The following JAK3 variants were observed in gnomAD, a reference collection of about 807,000 sequenced individuals.
The protein encoded by JAK3 is Janus kinase 3, also known as tyrosine-protein kinase JAK3.
JAK3 carries 88 observed loss-of-function variants against 120.8 expected under a neutral mutation model. The ratio of observed to expected loss-of-function variants is 0.73; its 90% CI spans 0.61 to 0.87. The LOEUF (loss-of-function observed/expected upper bound fraction) is 0.87, where lower values mean the gene tolerates loss of function less well. Ranked by LOEUF, JAK3 falls within the 40% of genes least tolerant of loss-of-function variation. The pLI, the probability that JAK3 is intolerant of heterozygous loss-of-function variation, is 0.00. For synonymous variants in JAK3, 592 were observed against 628.6 expected (o/e 0.94, Z 0.87); for missense variants, 1,254 against 1,501.4 (o/e 0.84, Z 2.72).
At chr19:17,837,050 G>T in intron 13 of JAK3, 79 bp downstream of exon 13, 4 of 910,150 alleles carry the variant, frequency 4.4e-6, no homozygotes, top group Middle Eastern at 3.6e-4. Context: ...CTGTCATATA[G>T]CGGCTCAGAA....
chr19:17,832,805 G>A lies in JAK3; in HGVS notation c.2475C>T (p.Ile825=). Residue 825 remains isoleucine, a synonymous_variant, in exon 18 of 24, where the codon ATC becomes ATT. Transcript: ENST00000458235. This position sits in a 1 kb window ranked among gnomAD's most constrained non-coding sequence, Gnocchi z 4.7. Reference sequence around the variant, plus strand: ...CCCACCTTACCTTGCCCAGCTGTGAGATGTACTTGAGGTGTCTCTCCTCGA... The same window carrying A: ...CCCACCTTACCTTGCCCAGCTGTGAAATGTACTTGAGGTGTCTCTCCTCGA... ...TIFEERHLKY[I]SQLGKGNFGS... is the part of the protein sequence containing the mutation. 1 of 1,614,274 alleles carries A rather than the reference G, an allele frequency of 6.2e-7. No individual in the cohort carries two copies.
rs1327546191 is a variant in JAK3 at position 17,831,075 on chromosome 19, G to T, written c.2978+153C>A. On this transcript the variant is annotated intron_variant, in intron 21 of 23. Transcript: ENST00000458235. This position sits in a 1 kb window ranked among gnomAD's most constrained non-coding sequence, Gnocchi z 5.1. ...GAGGAGCCAGTGCTGTTGAGGGGGC[G>T]GGGCTCTGGGGAGTGGGAGGGGCCA... Among the ~76,000 whole-genome samples, 1 of 147,916 alleles carries T rather than the reference G, an allele frequency of 6.8e-6. No homozygotes were observed. Among genetic ancestry groups the T allele is most frequent in the Non-Finnish European group, 1.5e-5 (1 of 66,860 alleles).
intron 11 of JAK3, 31 bp from the exon 12 acceptor site, chr19:17,838,094 A>G: frequency 6.2e-7 from 1 of 1,614,018 alleles, no homozygotes; most frequent in Non-Finnish European, 8.5e-7. Context: ...AGAAGAGGCC[A>G]GTGAGGGGGT....
rs886054277 is a variant in JAK3 at position 17,826,472 on chromosome 19, C to T, written c.*271G>A. 4.0e-5 allele frequency: 21 copies of T among 525,362 alleles called. No individual in the cohort carries two copies. Among genetic ancestry groups the T allele is most frequent in the East Asian group, 9.6e-5 (3 of 31,170 alleles). The allele number at this position is 525,362 out of a possible 1,614,324, so 32.5% of individuals were successfully genotyped here. A position where few individuals can be genotyped will look rare whatever the true frequency, so the allele number is the denominator to read the frequency against. On this transcript the variant is annotated 3_prime_UTR_variant, in exon 24 of 24. Coordinates refer to ENST00000458235, the MANE Select transcript of JAK3 (RefSeq NM_000215.4). ...CAGGGCTTAAGGGGTTGGGAAGATG[C>T]GAGAGTCTTAAATTTGGTTCCTTGC...
At chr19:17,839,306 A>AGACCTAAAGGTTATATATCTCT in intron 10 of JAK3, 171 bp downstream of exon 10, 1 of 716,834 alleles carries the variant, frequency 1.4e-6, no homozygotes, top group Non-Finnish European at 2.5e-6. Context: ...AGATCAAGCC[A>AGACCTAAAGGTTATATATCTCT]GACCTAAAGG....
intron 8 of JAK3, among the ~76,000 whole-genome samples, chr19:17,840,702 G>A (rs2094236198): frequency 6.6e-6 from 1 of 151,530 alleles, no homozygotes; most frequent in African/African-American, 2.4e-5. Context: ...AGCAGAGGTT[G>A]CATTGAGCCG....
chr19:17,837,757 G>A lies in JAK3; in HGVS notation c.1701+175C>T, dbSNP rs530649324. Among the ~76,000 whole-genome samples the A allele has an allele frequency of 5.5e-4, 83 of 151,210 alleles. 1 individual carries two copies. Among genetic ancestry groups the A allele is most frequent in the Middle Eastern group, 3.6e-3 (1 of 278 alleles). Reference sequence around the variant, plus strand: ...GACGAGGTCTCGCTATGTTGCCTAGGCTGTTCTTGAACTCCTGGCTTCAAA... The same window carrying A: ...GACGAGGTCTCGCTATGTTGCCTAGACTGTTCTTGAACTCCTGGCTTCAAA... On this transcript the variant is annotated intron_variant, in intron 12 of 23. Transcript: ENST00000458235.
rs2094201385 is a variant in JAK3 at position 17,824,900 on chromosome 19, T to A, written c.*1843A>T. On this transcript the variant is annotated 3_prime_UTR_variant, in exon 24 of 24. Transcript: ENST00000458235. ...AGGGGAGACAGCTGGACACAGACACTTCCCCAGCCCCAGGGCCAGAGTGGG... is the reference window on the plus strand; with the variant it reads ...AGGGGAGACAGCTGGACACAGACACATCCCCAGCCCCAGGGCCAGAGTGGG... 1 of 215,578 alleles carries A rather than the reference T, an allele frequency of 4.6e-6. No individual in the cohort carries two copies. The highest frequency in any genetic ancestry group is 9.3e-6 in the Non-Finnish European group (1 of 107,006). 13.4% of individuals were successfully genotyped at this position (215,578 alleles called of 1,614,324 possible).
intron 13 of JAK3, chr19:17,836,829 TC>T: frequency 2.0e-6 from 1 of 502,238 alleles, no homozygotes; most frequent in Non-Finnish European, 3.7e-6. Flanking sequence ...CATCCTAGAC[TC>T]CCAACCAATG....
At chr19:17,830,837 C>A in intron 21 of JAK3, among the ~76,000 whole-genome samples, 1 of 90,178 alleles carries the variant, frequency 1.1e-5, no homozygotes, top group South Asian at 4.6e-4. Context: ...GCGGGGGCAG[C>A]ACGGAGGGGC....
chr19:17,837,849 T>G, intron 12 of JAK3, 83 bp downstream of exon 12: 1 of 1,590,058 alleles, frequency 6.3e-7, no homozygotes. Flanking sequence ...CCCAGGTCCC[T>G]GTGTGTTTTT....
chr19:17,828,758 A>C (rs1353916897), intron 23 of JAK3, among the ~76,000 whole-genome samples: 2 of 152,194 alleles, frequency 1.3e-5, no homozygotes, highest in Non-Finnish European at 2.9e-5. Context: ...AAGTCCTGGC[A>C]CACAGTTGGC....
At chr19:17,839,281 C>T (rs1201289572) in intron 10 of JAK3, 196 bp downstream of exon 10, 1 of 692,580 alleles carries the variant, frequency 1.4e-6, no homozygotes, top group Non-Finnish European at 2.6e-6. Flanking sequence ...ACATGGCTCA[C>T]ATCTAGCTGT....
At chr19:17,834,829 G>A (rs202171305) in intron 16 of JAK3, 23 bp downstream of exon 16, 200 of 1,613,586 alleles carry the variant, frequency 1.2e-4, no homozygotes, top group Middle Eastern at 1.2e-3. Flanking sequence ...TTCGGAGACC[G>A]ATGCCGGGTG....
intron 1 of JAK3, among the ~76,000 whole-genome samples, chr19:17,847,118 G>A (rs2094253940): frequency 1.3e-5 from 2 of 151,918 alleles, no homozygotes; most frequent in Admixed American, 1.3e-4. Context: ...GGCTGATCTC[G>A]AACTCCTGAC....
Position 17,835,224 on chromosome 19 carries a change from GC to G in JAK3, c.1915-10del, listed in dbSNP as rs2094222078. On this transcript the variant is annotated splice_polypyrimidine_tract_variant and intron_variant, in intron 14 of 23. Transcript: ENST00000458235. Reference sequence around the variant, plus strand: ...GGCAGGCCTTTGTCCTCCTAAGGGGGCCAGACACAGGAAAATGCCCGGGAGG... The same window carrying G: ...GGCAGGCCTTTGTCCTCCTAAGGGGGCAGACACAGGAAAATGCCCGGGAGG... The G allele has an allele frequency of 6.2e-7, 1 of 1,612,988 alleles. No homozygotes were observed. Among genetic ancestry groups the G allele is most frequent in the African/African-American group, 1.3e-5 (1 of 74,918 alleles).
Position 17,841,426 on chromosome 19 carries a change from G to A in JAK3, c.1105C>T (p.Leu369=), listed in dbSNP as rs1310557168. Residue 369 remains leucine, a synonymous_variant, in exon 8 of 24, where the codon CTG becomes TTG. Transcript: ENST00000458235. The surrounding 1 kb of genome is among the most constrained non-coding windows in gnomAD (Gnocchi z 4.1). ...TGGCACTGCTCGGCCACTTCCTCCA[G>A]CAGCCTCGGCGGTGCCACCTCCTTG... ...FCKEVAPPRL[L]EEVAEQCHGP... 1 of 1,553,590 alleles carries A rather than the reference G, an allele frequency of 6.4e-7. No homozygotes were observed. Among genetic ancestry groups the A allele is most frequent in the African/African-American group, 1.4e-5 (1 of 73,436 alleles).
Position 17,831,388 on chromosome 19 carries a change from G to T in JAK3, c.2818C>A (p.Leu940Met). ...SSQICKGMEY[L>M]GSRRCVHRDL... Reference sequence around the variant, plus strand: ...CGGTGCACGCAGCGGCGGGAGCCCAGGTACTCCATGCCCTGCGGGCGGGCG... The same window carrying T: ...CGGTGCACGCAGCGGCGGGAGCCCATGTACTCCATGCCCTGCGGGCGGGCG... Residue 940 changes from leucine (L) to methionine (M), a missense_variant, in exon 21 of 24, where the codon CTG (leucine) becomes ATG (methionine). Leu to Met is a conservative substitution (Grantham distance 15). Transcript: ENST00000458235. The surrounding 1 kb of genome is among the most constrained non-coding windows in gnomAD (Gnocchi z 5.1). 6.2e-7 allele frequency: 1 copy of T among 1,604,696 alleles called. No individual in the cohort carries two copies. Among genetic ancestry groups the T allele is most frequent in the Non-Finnish European group, 8.5e-7 (1 of 1,179,754 alleles).
At chr19:17,834,800 C>A in intron 16 of JAK3, 52 bp downstream of exon 16, 2 of 1,613,420 alleles carry the variant, frequency 1.2e-6, no homozygotes, top group South Asian at 2.2e-5. Context: ...GTCAGTCTGC[C>A]CTTCTGTCAA....
Sources: allele counts gnomAD v4.1 joint callset (sites outside exome capture counted in the v4.1 genomes callset), GRCh38; gene constraint gnomAD v4.1.1; non-coding constraint Gnocchi (gnomAD v3.1); transcripts MANE v1.5; gene names NCBI Gene and HGNC (gene_info 2026-07-23, HGNC 2026-07-21).